DPP8: variants seen among roughly 807,000 people sequenced by gnomAD.
The protein encoded by DPP8 is dipeptidyl peptidase 8.
Under a neutral mutation model 107.5 loss-of-function variants are expected in DPP8, and 31 were observed. That is an observed-to-expected ratio of 0.29 (90% confidence interval 0.22 to 0.39). The LOEUF is 0.39. DPP8 is among the 10% of genes least tolerant of loss of function. The probability of loss-of-function intolerance (pLI) is 1.00; values close to 1 mark genes in which losing one functional copy is unlikely to be tolerated. For missense variants in DPP8, 842 were observed against 1,076.1 expected (o/e 0.78, Z 3.04); for synonymous variants, 381 against 356.6 (o/e 1.07, Z -0.77).
chr15:65,492,941 A>G (rs1463292588), intron 5 of DPP8, among the ~76,000 whole-genome samples: 2 of 152,052 alleles, frequency 1.3e-5, no homozygotes, highest in Admixed American at 1.3e-4. Flanking sequence ...TTGCTTATTT[A>G]TATTTTCTAT....
chr15:65,476,132 C>A (rs1370925807), intron 11 of DPP8, among the ~76,000 whole-genome samples: 1 of 152,154 alleles, frequency 6.6e-6, no homozygotes, highest in Non-Finnish European at 1.5e-5. Flanking sequence ...AAAATCATTT[C>A]TCTTTTCCTC....
At chr15:65,490,050 G>C (rs2067870182) in intron 6 of DPP8, 139 bp downstream of exon 6, 2 of 623,972 alleles carry the variant, frequency 3.2e-6, no homozygotes, top group African/African-American at 1.8e-5. Flanking sequence ...CTATGGGCAT[G>C]AATCAATCAT....
chr15:65,481,664 ATAAT>A lies in DPP8; in HGVS notation c.1018-53_1018-50del, dbSNP rs2066937449. 2.7e-6 allele frequency: 3 copies of A among 1,096,158 alleles called. No individual in the cohort carries two copies. The South Asian group carries it at 4.7e-5, about 17-fold the overall frequency. 67.9% of individuals were successfully genotyped at this position (1,096,158 alleles called of 1,614,324 possible). ...ATCTAGTTATAGAAGATTTAGATAA[ATAAT>A]TAGCTTGCTAGTCTACTTTAACAAT... On this transcript the variant is annotated intron_variant, in intron 8 of 19. Coordinates refer to ENST00000300141, the MANE Select transcript of DPP8 (RefSeq NM_130434.5).
intron 8 of DPP8, among the ~76,000 whole-genome samples, chr15:65,484,056 C>A (rs1330447951): frequency 2.0e-5 from 3 of 151,854 alleles, no homozygotes; most frequent in Admixed American, 2.0e-4. Context: ...AGGCTGGGCA[C>A]GGTGGCTCAT....
At position 65,468,022 on chromosome 15, in the gene DPP8, T is replaced by C. The variant is rs142639245; in HGVS notation, c.1537-799A>G. ...GGAACTAAATCAGTTTCAATACTGG[T>C]ATAGTTTACAAATAAACATGGATAA... On this transcript the variant is annotated intron_variant, in intron 12 of 19. Coordinates refer to ENST00000300141, the MANE Select transcript of DPP8 (RefSeq NM_130434.5). Among the ~76,000 whole-genome samples the C allele has an allele frequency of 3.9e-3, 599 of 152,308 alleles. 5 individuals are homozygous for C. Among genetic ancestry groups the C allele is most frequent in the African/African-American group, 0.014 (573 of 41,572 alleles).
chr15:65,465,990 G>A (rs893403722), intron 14 of DPP8, among the ~76,000 whole-genome samples: 2 of 152,196 alleles, frequency 1.3e-5, no homozygotes, highest in Admixed American at 6.5e-5. Flanking sequence ...AAAGCTATCA[G>A]CTGGTTATTC....
chr15:65,450,979 G>C lies in DPP8; in HGVS notation c.2526+20C>G, dbSNP rs753992712. 2 of 1,402,402 alleles carry C rather than the reference G, an allele frequency of 1.4e-6. No homozygotes were observed. Among genetic ancestry groups the C allele is most frequent in the East Asian group, 2.3e-5 (1 of 43,642 alleles). The allele number at this position is 1,402,402 out of a possible 1,614,324, so 86.9% of individuals were successfully genotyped here. A position where few individuals can be genotyped will look rare whatever the true frequency, so the allele number is the denominator to read the frequency against. On this transcript the variant is annotated intron_variant, in intron 19 of 19. Coordinates refer to ENST00000300141, the MANE Select transcript of DPP8 (RefSeq NM_130434.5). Reference sequence around the variant, plus strand: ...CACTAATCATGACTGCATTTAACTAGAAAATGTAGAGTAACTCACCTGTAA... The same window carrying C: ...CACTAATCATGACTGCATTTAACTACAAAATGTAGAGTAACTCACCTGTAA...
chr15:65,486,976 G>A (rs912357424), intron 7 of DPP8, among the ~76,000 whole-genome samples: 2 of 151,060 alleles, frequency 1.3e-5, no homozygotes, highest in Admixed American at 6.6e-5. Context: ...AAAAACTACT[G>A]AAATAAAATT....
intron 7 of DPP8, among the ~76,000 whole-genome samples, chr15:65,487,373 T>C (rs767160405): frequency 8.5e-5 from 13 of 152,134 alleles, no homozygotes; most frequent in Admixed American, 4.6e-4. Context: ...GGTCTCAAAC[T>C]CCTGACCTCA....
chr15:65,447,048 A>G, intron 19 of DPP8, 42 bp from the exon 20 acceptor site: 1 of 1,466,412 alleles, frequency 6.8e-7, no homozygotes, highest in Non-Finnish European at 9.2e-7. Context: ...AAAAAAAAGA[A>G]TTTAGTAATA....
intron 8 of DPP8, among the ~76,000 whole-genome samples, chr15:65,481,868 C>A (rs1172244317): frequency 6.6e-6 from 1 of 152,030 alleles, no homozygotes; most frequent in East Asian, 1.9e-4. Flanking sequence ...TTGATACTAA[C>A]AGAACACTTG....
In DPP8 at chr15:65,499,850, G is replaced by A. The variant is rs145197231; in HGVS notation, c.546+756C>T. Among the ~76,000 whole-genome samples the A allele has an allele frequency of 3.4e-3, 523 of 152,294 alleles. 3 individuals are homozygous for A. Among genetic ancestry groups the A allele is most frequent in the African/African-American group, 0.012 (492 of 41,558 alleles). On this transcript the variant is annotated intron_variant, in intron 4 of 19. Transcript: ENST00000300141. ...CAAAGTGCTGGAATTATGGGTGTGA[G>A]CCACCACGTCTGACCTAAAAATGGT...
intron 10 of DPP8, among the ~76,000 whole-genome samples, chr15:65,479,571 G>T (rs1295195217): frequency 6.6e-6 from 1 of 152,154 alleles, no homozygotes; most frequent in Non-Finnish European, 1.5e-5. Context: ...TTGGCCGGGT[G>T]CGGTGGCTCA....
At chr15:65,457,336 A>C (rs541348978) in intron 15 of DPP8, among the ~76,000 whole-genome samples, 1 of 152,234 alleles carries the variant, frequency 6.6e-6, no homozygotes, top group Admixed American at 6.5e-5. Context: ...AGCCTGGGCA[A>C]CACAGTGAGA....
chr15:65,471,661 T>C (rs1482242269), intron 12 of DPP8, among the ~76,000 whole-genome samples: 1 of 151,928 alleles, frequency 6.6e-6, no homozygotes, highest in African/African-American at 2.4e-5. Flanking sequence ...TAATTTAAAA[T>C]TTTTTTTGCA....
intron 15 of DPP8, among the ~76,000 whole-genome samples, chr15:65,460,076 T>C (rs936544631): frequency 1.3e-5 from 2 of 152,216 alleles, no homozygotes; most frequent in African/African-American, 4.8e-5. Context: ...AATATATTCA[T>C]GCTGCTGTGT....
intron 9 of DPP8, among the ~76,000 whole-genome samples, chr15:65,480,643 A>C (rs774082819): frequency 6.6e-5 from 10 of 152,190 alleles, no homozygotes; most frequent in Non-Finnish European, 1.0e-4. Flanking sequence ...AAAGTGTTTT[A>C]TCCCGGTAGG....
intron 14 of DPP8, among the ~76,000 whole-genome samples, chr15:65,464,312 G>A (rs964132560): frequency 2.6e-5 from 4 of 151,882 alleles, no homozygotes; most frequent in Non-Finnish European, 5.9e-5. Context: ...GCAGTGAGCT[G>A]AGATCACGCC....
At chr15:65,449,709 C>T (rs2063826722) in intron 19 of DPP8, among the ~76,000 whole-genome samples, 1 of 151,948 alleles carries the variant, frequency 6.6e-6, no homozygotes, top group African/African-American at 2.4e-5. Flanking sequence ...TGCGACCGGC[C>T]CCATTTCATA....
Sources: gnomAD v4.1 joint callset for allele counts (sites outside exome capture counted in the v4.1 genomes callset) on GRCh38, gnomAD v4.1.1 for gene constraint, MANE v1.5 for transcripts, NCBI Gene and HGNC (gene_info 2026-07-23, HGNC 2026-07-21) for gene names.